SPATS2: variants seen among roughly 807,000 people sequenced by gnomAD.
The protein encoded by SPATS2 is spermatogenesis associated serine rich 2.
SPATS2 carries 38 observed loss-of-function variants against 63.7 expected under a neutral mutation model. The observed-to-expected ratio is 0.60, with a 90% CI of 0.46 to 0.78. The LOEUF (loss-of-function observed/expected upper bound fraction) is 0.78, where lower values mean the gene tolerates loss of function less well. SPATS2 is among the 30% of genes least tolerant of loss of function. The probability of loss-of-function intolerance (pLI) is 0.00; values close to 1 mark genes in which losing one functional copy is unlikely to be tolerated. For missense variants in SPATS2, 588 were observed against 666.2 expected (o/e 0.88, Z 1.29); for synonymous variants, 207 against 232.9 (o/e 0.89, Z 1.01).
chr12:49,480,645 G>A (rs1946190881), intron 3 of SPATS2, among the ~76,000 whole-genome samples: 1 of 152,132 alleles, frequency 6.6e-6, no homozygotes, highest in Non-Finnish European at 1.5e-5. Context: ...ATACCAAGAA[G>A]CAGAATTGCT....
intron 3 of SPATS2, chr12:49,462,522 C>G: frequency 1.4e-6 from 1 of 690,516 alleles, no homozygotes; most frequent in Non-Finnish European, 2.6e-6. Context: ...TGGCTGCCCT[C>G]TGCCAGCAAG....
intron 2 of SPATS2, among the ~76,000 whole-genome samples, chr12:49,422,400 G>A (rs1320417679): frequency 2.0e-5 from 3 of 152,084 alleles, no homozygotes; most frequent in South Asian, 2.1e-4. Flanking sequence ...AAGCCCTCAA[G>A]CCTTCCTGCT....
At chr12:49,408,944 A>G (rs933363255) in intron 2 of SPATS2, among the ~76,000 whole-genome samples, 1 of 152,174 alleles carries the variant, frequency 6.6e-6, no homozygotes, top group Admixed American at 6.5e-5. Flanking sequence ...ATAATGAATA[A>G]ATGGTAGTTG....
At chr12:49,418,631 A>G (rs552739773) in intron 2 of SPATS2, among the ~76,000 whole-genome samples, 3 of 151,992 alleles carry the variant, frequency 2.0e-5, no homozygotes, top group Non-Finnish European at 2.9e-5. Context: ...TTGTAGAGAC[A>G]GGTCTCACTA....
chr12:49,515,738 G>T (rs550451745), intron 10 of SPATS2, among the ~76,000 whole-genome samples: 11 of 152,096 alleles, frequency 7.2e-5, no homozygotes, highest in Non-Finnish European at 1.6e-4. Context: ...GGTCCTTTTA[G>T]GCCAGGCGTG....
In SPATS2 at chr12:49,395,792, TC is replaced by T. The variant is rs536143515; in HGVS notation, c.-244+24503del. Among the ~76,000 whole-genome samples the T allele has an allele frequency of 1.1e-3, 167 of 152,290 alleles. 1 individual carries two copies. Among genetic ancestry groups the T allele is most frequent in the African/African-American group, 3.7e-3 (153 of 41,556 alleles). On this transcript the variant is annotated intron_variant, in intron 2 of 13. Coordinates refer to ENST00000552918, the MANE Select transcript of SPATS2 (RefSeq NM_023071.4). Reference sequence around the variant, plus strand: ...ACATGAAATCTACCCTCCTGACAAATCTTTTGTTGTACAATACTGTAATATT... The same window carrying T: ...ACATGAAATCTACCCTCCTGACAAATTTTTGTTGTACAATACTGTAATATT...
chr12:49,393,748 C>T (rs1317153884), intron 2 of SPATS2, among the ~76,000 whole-genome samples: 2 of 152,070 alleles, frequency 1.3e-5, no homozygotes, highest in African/African-American at 2.4e-5. Flanking sequence ...TGATGTGACC[C>T]CAGTAGTCTT....
chr12:49,466,197 T>C (rs1358355834), intron 3 of SPATS2, among the ~76,000 whole-genome samples: 1 of 151,994 alleles, frequency 6.6e-6, no homozygotes. Context: ...GGAGTCTCTC[T>C]CTGTCACCCA....
intron 3 of SPATS2, among the ~76,000 whole-genome samples, chr12:49,479,090 T>C (rs541444936): frequency 9.9e-5 from 15 of 152,156 alleles, no homozygotes; most frequent in Non-Finnish European, 1.9e-4. Context: ...CAGCAGGTTG[T>C]CCCTGTCCTC....
At chr12:49,524,116 T>C (rs1420283080) in intron 12 of SPATS2, among the ~76,000 whole-genome samples, 1 of 152,232 alleles carries the variant, frequency 6.6e-6, no homozygotes, top group Non-Finnish European at 1.5e-5. Context: ...ATAGGTACTT[T>C]GAATTTGGGA....
chr12:49,515,120 G>C (rs941632489), intron 10 of SPATS2, among the ~76,000 whole-genome samples: 3 of 152,218 alleles, frequency 2.0e-5, no homozygotes, highest in African/African-American at 7.2e-5. Context: ...GAGGGTTCAA[G>C]ATACCAGGTT....
chr12:49,407,960 A>T (rs764157348), intron 2 of SPATS2, among the ~76,000 whole-genome samples: 1 of 152,230 alleles, frequency 6.6e-6, no homozygotes, highest in Non-Finnish European at 1.5e-5. Flanking sequence ...GGCCCTTGAC[A>T]GAGTTTGTGG....
rs772067809 is a variant in SPATS2, at chr12:49,400,750, TAGA to T, written c.-244+29461_-244+29463del. Among the ~76,000 whole-genome samples, 47 of 152,256 alleles carry T rather than the reference TAGA, an allele frequency of 3.1e-4. 1 individual carries two copies. The highest frequency in any genetic ancestry group is 5.2e-4 in the Admixed American group (8 of 15,284). ...AGAAAATGGCATAAAATGTACCAAA[TAGA>T]GGAGTGGGAGAATGAATGGATGAGG... On this transcript the variant is annotated intron_variant, in intron 2 of 13. Coordinates refer to ENST00000552918, the MANE Select transcript of SPATS2 (RefSeq NM_023071.4).
chr12:49,453,173 A>AG (rs1047911667), intron 2 of SPATS2, among the ~76,000 whole-genome samples: 2 of 151,852 alleles, frequency 1.3e-5, no homozygotes, highest in Non-Finnish European at 2.9e-5. Flanking sequence ...AAAAAAAAAA[A>AG]AAAAGAAATT....
At chr12:49,498,145 A>AAAAAAAAAATATATATATAT (rs66900382) in intron 8 of SPATS2, among the ~76,000 whole-genome samples, 1 of 98,978 alleles carries the variant, frequency 1.0e-5, no homozygotes, top group Non-Finnish European at 1.9e-5. Flanking sequence ...AAAAAAAAAA[A>AAAAAAAAAATATATATATAT]ATATATATAT....
intron 2 of SPATS2, among the ~76,000 whole-genome samples, chr12:49,416,986 T>C (rs1364088473): frequency 6.6e-6 from 1 of 152,206 alleles, no homozygotes; most frequent in African/African-American, 2.4e-5. Context: ...GCTTTTCTCT[T>C]CCCTTTTTCA....
chr12:49,427,200 C>T (rs1446695808), intron 2 of SPATS2, among the ~76,000 whole-genome samples: 1 of 152,118 alleles, frequency 6.6e-6, no homozygotes, highest in Non-Finnish European at 1.5e-5. Context: ...GCCTCAGCCT[C>T]CCAAAGTAAA....
At chr12:49,473,074 A>C (rs891930073) in intron 3 of SPATS2, among the ~76,000 whole-genome samples, 7 of 151,298 alleles carry the variant, frequency 4.6e-5, no homozygotes, top group Admixed American at 1.3e-4. Flanking sequence ...AGACAACAAC[A>C]ACCACAACAA....
Position 49,505,582 on chromosome 12 carries a change from A to G in SPATS2, c.839+5377A>G, listed in dbSNP as rs73301246. ...TCTTTCAGTGTCATGTCAGTGCTCA[A>G]AAAAGTACAGCTTTTGAAGCATTTT... On this transcript the variant is annotated intron_variant, in intron 9 of 13. Transcript: ENST00000552918. 6.0e-3 allele frequency among the ~76,000 whole-genome samples: 912 copies of G among 152,346 alleles called. 10 individuals carry two copies. Among genetic ancestry groups the G allele is most frequent in the African/African-American group, 0.02 (836 of 41,584 alleles).
Sources: allele counts gnomAD v4.1 joint callset (sites outside exome capture counted in the v4.1 genomes callset), GRCh38; gene constraint gnomAD v4.1.1; transcripts MANE v1.5; gene names NCBI Gene and HGNC (gene_info 2026-07-23, HGNC 2026-07-21).